The following DPP6 variants were observed in gnomAD, a reference collection of about 807,000 sequenced individuals.
DPP6 encodes dipeptidyl peptidase like 6, also known as A-type potassium channel modulatory protein DPP6.
In DPP6, 69 loss-of-function variants were observed where a neutral mutation model predicts 122.6. The observed-to-expected ratio is 0.56, with a 90% CI of 0.46 to 0.69. DPP6 has a LOEUF of 0.69. Ranked by LOEUF, DPP6 falls within the 30% of genes least tolerant of loss-of-function variation. DPP6 has a pLI of 0.00. For synonymous variants in DPP6, 418 were observed against 433.1 expected (o/e 0.97, Z 0.43); for missense variants, 928 against 1,116.9 (o/e 0.83, Z 2.41).
chr7:154,626,107 C>A (rs558112859), intron 5 of DPP6, among the ~76,000 whole-genome samples: 196 of 151,984 alleles, frequency 1.3e-3, no homozygotes, highest in Non-Finnish European at 2.4e-3. Context: ...TGGTGTGCAT[C>A]CTGGAAAATT....
intron 1 of DPP6, among the ~76,000 whole-genome samples, chr7:154,017,020 A>G (rs1277593349): frequency 6.6e-6 from 1 of 152,202 alleles, no homozygotes; most frequent in African/African-American, 2.4e-5. Context: ...GTGCAGTTAG[A>G]AGGAATAAGT....
At chr7:154,559,800 G>A (rs2130464600) in intron 4 of DPP6, among the ~76,000 whole-genome samples, 1 of 151,806 alleles carries the variant, frequency 6.6e-6, no homozygotes, top group East Asian at 1.9e-4. Context: ...AGCTACTCAA[G>A]AGGCTGAGGC....
rs34678693 is a variant in DPP6, at chr7:154,533,997, C to CAAAA, written c.458-6526_458-6523dup. On this transcript the variant is annotated intron_variant, in intron 3 of 25. Transcript: ENST00000377770. ...TAGGTAACAGAGCAAGACCCTGTCT[C>CAAAA]AAAAAAAAAAAATCAATACTATATA... Among the ~76,000 whole-genome samples the CAAAA allele has an allele frequency of 1.0e-3, 144 of 144,028 alleles. 1 individual carries two copies. Among genetic ancestry groups the CAAAA allele is most frequent in the African/African-American group, 3.6e-3 (140 of 39,378 alleles). 94.5% of individuals were successfully genotyped at this position (144,028 alleles called of 152,430 possible). A position where few individuals can be genotyped will look rare whatever the true frequency, so the allele number is the denominator to read the frequency against.
chr7:153,927,753 A>G (rs1280231247), intron 1 of DPP6, among the ~76,000 whole-genome samples: 1 of 152,182 alleles, frequency 6.6e-6, no homozygotes, highest in African/African-American at 2.4e-5. Context: ...GGCTGCTATT[A>G]AAATGCCATG....
intron 10 of DPP6, among the ~76,000 whole-genome samples, chr7:154,789,473 G>A (rs1563212263): frequency 6.6e-6 from 1 of 152,332 alleles, no homozygotes; most frequent in East Asian, 1.9e-4. Flanking sequence ...AAGAAACTGG[G>A]CAAGACCTTG....
intron 8 of DPP6, among the ~76,000 whole-genome samples, chr7:154,769,117 T>C (rs1188855451): frequency 6.6e-6 from 1 of 152,234 alleles, no homozygotes; most frequent in East Asian, 1.9e-4. Context: ...GTTGGGCTCA[T>C]AGTGCTCAAA....
chr7:154,636,348 G>A (rs943858575), intron 5 of DPP6, among the ~76,000 whole-genome samples: 5 of 152,188 alleles, frequency 3.3e-5, no homozygotes, highest in Admixed American at 2.6e-4. Context: ...TCTGAGCGGT[G>A]ACCTGCTCAG....
chr7:153,755,905 G>A, the DPP6 span, among the ~76,000 whole-genome samples: 3 of 152,094 alleles, frequency 2.0e-5, no homozygotes, highest in African/African-American at 7.2e-5. Context: ...TGACTCACAG[G>A]CTATGGGACA....
chr7:154,432,773 A>G lies in DPP6; in HGVS notation c.244-13441A>G, dbSNP rs192296656. Among the ~76,000 whole-genome samples, 3 of 152,344 alleles carry G rather than the reference A, an allele frequency of 2.0e-5. No homozygotes were observed. The East Asian group carries it at 5.8e-4, about 29-fold the overall frequency. On this transcript the variant is annotated intron_variant, in intron 1 of 25. Transcript: ENST00000377770. ...AAACATTCAAGACACGGAAGTGGGC[A>G]TCACAGGTCATGAGTTCTGTTCGAT...
rs1286478544 is a variant in DPP6, at chr7:154,346,982, A to G, written c.244-99232A>G. On this transcript the variant is annotated intron_variant, in intron 1 of 25. Transcript: ENST00000377770. ...GAGATGGATGTGAGAAAGATAATAC[A>G]GGAACCATCCTGTATCTCAGCAAAC... 1.3e-5 allele frequency among the ~76,000 whole-genome samples: 2 copies of G among 152,182 alleles called. 1 individual carries two copies.
At chr7:153,942,172 C>T (rs1307935801) in intron 1 of DPP6, among the ~76,000 whole-genome samples, 1 of 152,228 alleles carries the variant, frequency 6.6e-6, no homozygotes, top group Non-Finnish European at 1.5e-5. Context: ...TTTATGTACT[C>T]ATTCAATTCA....
chr7:153,807,903 C>T, the DPP6 span, among the ~76,000 whole-genome samples: 13 of 152,032 alleles, frequency 8.6e-5, no homozygotes, highest in East Asian at 2.5e-3. Flanking sequence ...GAGAAAACAT[C>T]TGTTAATCTG....
chr7:154,296,825 G>T (rs1044397144), intron 1 of DPP6, among the ~76,000 whole-genome samples: 9 of 152,218 alleles, frequency 5.9e-5, no homozygotes, highest in African/African-American at 1.7e-4. Context: ...GGAGATTCTA[G>T]TTCCTTAGAA....
intron 1 of DPP6, among the ~76,000 whole-genome samples, chr7:154,062,171 C>T (rs1563155928): frequency 9.7e-6 from 1 of 102,684 alleles, no homozygotes; most frequent in African/African-American, 3.5e-5. Context: ...GGACCCACAT[C>T]GTTGATCCTA....
chr7:154,603,656 C>CAAAAAAAAAAAA (rs779501891), intron 5 of DPP6, among the ~76,000 whole-genome samples: 3 of 24,974 alleles, frequency 1.2e-4, no homozygotes, highest in African/African-American at 3.3e-4. Context: ...AACTCTGTCT[C>CAAAAAAAAAAAA]AAAAAAAAAA....
At chr7:154,682,825 CTGA>C (rs1411603208) in intron 7 of DPP6, among the ~76,000 whole-genome samples, 2 of 152,202 alleles carry the variant, frequency 1.3e-5, no homozygotes, top group South Asian at 4.1e-4. Flanking sequence ...TTTCACTTCT[CTGA>C]TGTGTGGGGA....
At chr7:154,518,420 T>A (rs1826706918) in intron 3 of DPP6, among the ~76,000 whole-genome samples, 1 of 152,154 alleles carries the variant, frequency 6.6e-6, no homozygotes, top group South Asian at 2.1e-4. Flanking sequence ...ATAGAAAAAA[T>A]TTGGTTTTGC....
chr7:154,635,643 G>A (rs1586779950), intron 5 of DPP6, among the ~76,000 whole-genome samples: 2 of 152,170 alleles, frequency 1.3e-5, no homozygotes, highest in East Asian at 1.9e-4. Flanking sequence ...TCAGGAACTC[G>A]AGAACATCTT....
chr7:154,500,010 G>A (rs34809516), intron 3 of DPP6, among the ~76,000 whole-genome samples: 21,427 of 152,156 alleles, frequency 0.14, 1,643 homozygotes, highest in Middle Eastern at 0.21. Flanking sequence ...TACATGCTTA[G>A]TGCCCCTGGC....
Sources: allele counts gnomAD v4.1 joint callset (sites outside exome capture counted in the v4.1 genomes callset), GRCh38; gene constraint gnomAD v4.1.1; transcripts MANE v1.5; gene names NCBI Gene and HGNC (gene_info 2026-07-23, HGNC 2026-07-21).